The following ETFA variants were observed in gnomAD, a reference collection of about 807,000 sequenced individuals.
The protein encoded by ETFA is electron transfer flavoprotein subunit alpha, also known as electron transfer flavoprotein subunit alpha, mitochondrial.
ETFA carries 22 observed loss-of-function variants against 46.2 expected under a neutral mutation model. The observed-to-expected ratio is 0.48, with a 90% CI of 0.34 to 0.68. The LOEUF (loss-of-function observed/expected upper bound fraction) is 0.68. Among genes scored for constraint, ETFA ranks in the 30% least tolerant of loss-of-function variants. The pLI is 0.01. For missense variants in ETFA, 345 were observed against 401.1 expected, an observed-to-expected ratio of 0.86 and a Z score of 1.19; for synonymous variants, 131 against 139.9, an observed-to-expected ratio of 0.94 and a Z score of 0.45.
chr15:76,282,850 T>A (rs751361200), intron 8 of ETFA, among the ~76,000 whole-genome samples: 6 of 152,168 alleles, frequency 3.9e-5, no homozygotes, highest in Non-Finnish European at 7.4e-5. Flanking sequence ...AAACAGGGTC[T>A]CAATTAGGTT....
intron 9 of ETFA, among the ~76,000 whole-genome samples, chr15:76,256,804 A>G (rs1394299801): frequency 1.3e-5 from 2 of 152,228 alleles, no homozygotes; most frequent in Non-Finnish European, 2.9e-5. Flanking sequence ...TTGTAACATC[A>G]TAGCACAACA....
chr15:76,261,505 C>T (rs1349203811), intron 9 of ETFA: 10 of 740,148 alleles, frequency 1.4e-5, no homozygotes, highest in Non-Finnish European at 2.3e-5. Flanking sequence ...CTCCATGCTG[C>T]AGCTGAGCTT....
At chr15:76,228,135 T>C in intron 10 of ETFA, 1 of 367,234 alleles carries the variant, frequency 2.7e-6, no homozygotes, top group South Asian at 2.1e-5. Flanking sequence ...TAGTCAGACA[T>C]CTGGGAGTTT....
At chr15:76,272,244 C>T (rs1445090073) in intron 9 of ETFA, among the ~76,000 whole-genome samples, 2 of 141,964 alleles carry the variant, frequency 1.4e-5, no homozygotes, top group African/African-American at 5.3e-5. Flanking sequence ...TTTTTGGAGA[C>T]AGTCTCGCTC....
intron 9 of ETFA, among the ~76,000 whole-genome samples, chr15:76,271,016 A>G (rs1376446666): frequency 6.6e-6 from 1 of 152,106 alleles, no homozygotes; most frequent in Non-Finnish European, 1.5e-5. Context: ...CTAAAAATAC[A>G]AAAATTAGTT....
intron 9 of ETFA, among the ~76,000 whole-genome samples, chr15:76,238,413 A>G (rs1223323649): frequency 6.6e-6 from 1 of 152,210 alleles, no homozygotes; most frequent in East Asian, 1.9e-4. Flanking sequence ...ATAAAAATTT[A>G]AACACATCAT....
At chr15:76,218,521 T>G (rs1291780656) in intron 11 of ETFA, among the ~76,000 whole-genome samples, 1 of 152,188 alleles carries the variant, frequency 6.6e-6, no homozygotes, top group Non-Finnish European at 1.5e-5. Flanking sequence ...TCCACCCACC[T>G]CAGGCTCCCA....
intron 9 of ETFA, among the ~76,000 whole-genome samples, chr15:76,253,035 T>G (rs1596200630): frequency 6.6e-6 from 1 of 152,164 alleles, no homozygotes; most frequent in Non-Finnish European, 1.5e-5. Context: ...CACCTCAGTC[T>G]CCTGAATAGC....
intron 9 of ETFA, among the ~76,000 whole-genome samples, chr15:76,257,629 A>G (rs1287902442): frequency 6.6e-6 from 1 of 152,048 alleles, no homozygotes; most frequent in East Asian, 1.9e-4. Context: ...AGGGATCTAG[A>G]ACTAGAAATA....
rs200222031 is a variant in ETFA, at chr15:76,310,252, T to TAAACAAACAAAC, written c.39+1086_39+1097dup. 2.7e-5 allele frequency among the ~76,000 whole-genome samples: 4 copies of TAAACAAACAAAC among 149,262 alleles called. No individual in the cohort carries two copies. The East Asian group carries it at 5.9e-4, about 22-fold the overall frequency. On this transcript the variant is annotated intron_variant, in intron 1 of 11. Transcript: ENST00000557943. ...GGAAACAGAGCCAGACCTTGTCTCTTAAACAAACAAACAAACAAACAAACA... is the reference window on the plus strand; with the variant it reads ...GGAAACAGAGCCAGACCTTGTCTCTTAAACAAACAAACAAACAAACAAACAAACAAACAAACA...
intron 8 of ETFA, among the ~76,000 whole-genome samples, chr15:76,275,725 T>C (rs1285146764): frequency 2.6e-5 from 4 of 152,234 alleles, no homozygotes; most frequent in Admixed American, 1.3e-4. Flanking sequence ...TCATTTTGTC[T>C]CTTTTCTTAG....
At chr15:76,270,327 A>G (rs531905838) in intron 9 of ETFA, among the ~76,000 whole-genome samples, 4 of 152,352 alleles carry the variant, frequency 2.6e-5, no homozygotes, top group African/African-American at 9.6e-5. Context: ...CATTACAAAT[A>G]GGAAAAGGGA....
chr15:76,261,145 A>G (rs76144335), intron 9 of ETFA: 329,377 of 1,504,462 alleles, frequency 0.22, 1,106 homozygotes, highest in Non-Finnish European at 0.25. Flanking sequence ...ATTTAAAACA[A>G]ATGGAGAGGG....
chr15:76,237,304 C>T (rs1441491909), intron 9 of ETFA, among the ~76,000 whole-genome samples: 4 of 152,288 alleles, frequency 2.6e-5, no homozygotes, highest in Admixed American at 6.5e-5. Context: ...CCACCCACCT[C>T]GGCCTCCCAA....
intron 9 of ETFA, among the ~76,000 whole-genome samples, chr15:76,233,194 A>G (rs541944135): frequency 6.6e-5 from 10 of 152,312 alleles, no homozygotes; most frequent in Admixed American, 5.9e-4. Flanking sequence ...CAGTGTGTCA[A>G]TTGTGACCCT....
intron 1 of ETFA, among the ~76,000 whole-genome samples, chr15:76,304,655 C>T (rs1312009412): frequency 9.0e-5 from 12 of 132,612 alleles, no homozygotes; most frequent in African/African-American, 2.9e-4. Context: ...GAGTAAGACT[C>T]TATTTCAAAA....
At chr15:76,273,987 G>A (rs2039568288) in intron 9 of ETFA, 1 of 201,468 alleles carries the variant, frequency 5.0e-6, no homozygotes, top group Admixed American at 5.3e-5. Context: ...GAAGATATAA[G>A]ACTAAAACTG....
intron 1 of ETFA, among the ~76,000 whole-genome samples, chr15:76,302,529 G>T (rs967277363): frequency 7.4e-6 from 1 of 135,474 alleles, no homozygotes; most frequent in African/African-American, 2.8e-5. Flanking sequence ...TGTTGTTGTT[G>T]TTTTGTTTTT....
chr15:76,217,901 T>C (rs2038913998), intron 11 of ETFA, among the ~76,000 whole-genome samples: 1 of 152,266 alleles, frequency 6.6e-6, no homozygotes. Context: ...TGTCGACATG[T>C]TGTTTCTTCC....
Sources: allele counts gnomAD v4.1 joint callset (sites outside exome capture counted in the v4.1 genomes callset), GRCh38; gene constraint gnomAD v4.1.1; transcripts MANE v1.5; gene names NCBI Gene and HGNC (gene_info 2026-07-23, HGNC 2026-07-21).